WDR64: variants seen among roughly 807,000 people sequenced by gnomAD.
WDR64 encodes WD repeat domain 64, also known as WD repeat-containing protein 64.
In WDR64, 112 loss-of-function variants were observed where a neutral mutation model predicts 139.3. The ratio of observed to expected loss-of-function variants is 0.80; its 90% CI spans 0.69 to 0.94. The LOEUF is 0.94. WDR64 is among the 40% of genes least tolerant of loss of function. WDR64 has a pLI of 0.00. For missense variants in WDR64, 1,206 were observed against 1,293.1 expected (o/e 0.93, Z 1.03); for synonymous variants, 444 against 437.7 (o/e 1.01, Z -0.18).
intron 6 of WDR64, among the ~76,000 whole-genome samples, chr1:241,680,741 A>G (rs913101594): frequency 2.0e-5 from 3 of 151,940 alleles, no homozygotes; most frequent in African/African-American, 7.3e-5. Flanking sequence ...ACTGCTGAAA[A>G]AAACTAAACA....
chr1:241,734,191 C>T lies in WDR64; in HGVS notation c.1195-4172C>T, dbSNP rs114508655. 1.7e-3 allele frequency among the ~76,000 whole-genome samples: 265 copies of T among 152,140 alleles called. 1 individual carries two copies. The highest frequency in any genetic ancestry group is 5.4e-3 in the African/African-American group (225 of 41,502). The stretch of plus-strand genomic sequence containing the variant: ...TCTTACCTACCTGTGTCCTGGAAGC[C>T]TCCTTCCTGCTTGAGCTGTCCTGCC... On this transcript the variant is annotated intron_variant, in intron 10 of 27. Coordinates refer to ENST00000437684, the MANE Select transcript of WDR64 (RefSeq NM_001367482.1).
chr1:241,711,443 T>C (rs1574031785), intron 8 of WDR64, among the ~76,000 whole-genome samples: 1 of 151,614 alleles, frequency 6.6e-6, no homozygotes, highest in Non-Finnish European at 1.5e-5. Context: ...TCCAAAAGGG[T>C]TCCTGGCATT....
rs775078179 is a variant in WDR64 at position 241,769,382 on chromosome 1, ATAAAT to A, written c.2082-21_2082-17del. The stretch of plus-strand genomic sequence containing the variant: ...CCATAATTTGTGAATTTTTTCTCAT[ATAAAT>A]GTATACTTACTTCTAGGTACCGACC... On this transcript the variant is annotated splice_polypyrimidine_tract_variant and intron_variant, in intron 16 of 27. Transcript: ENST00000437684. 56 of 1,542,324 alleles carry A rather than the reference ATAAAT, an allele frequency of 3.6e-5. No individual in the cohort carries two copies. The highest frequency in any genetic ancestry group is 3.6e-4 in the South Asian group (30 of 83,784).
At chr1:241,678,560 C>A (rs1045481683) in intron 5 of WDR64, among the ~76,000 whole-genome samples, 1 of 151,984 alleles carries the variant, frequency 6.6e-6, no homozygotes, top group Non-Finnish European at 1.5e-5. Context: ...GGAGGTGGCC[C>A]ATGGAAATAG....
chr1:241,761,207 G>A (rs756262852), intron 15 of WDR64, among the ~76,000 whole-genome samples: 6 of 152,108 alleles, frequency 3.9e-5, no homozygotes, highest in Non-Finnish European at 8.8e-5. Flanking sequence ...AGAGCAAAAT[G>A]AGAAGACTTT....
Position 241,696,113 on chromosome 1 carries a change from C to CAAAAAAAAAAAAAAAAAAAAAAA in WDR64, c.974+8524_974+8546dup, listed in dbSNP as rs541301982. On this transcript the variant is annotated intron_variant, in intron 8 of 27. Coordinates refer to ENST00000437684, the MANE Select transcript of WDR64 (RefSeq NM_001367482.1). ...TGTGGAATGGAATGAGACCCAGTAT[C>CAAAAAAAAAAAAAAAAAAAAAAA]AAAAAAAAAAAAAAAAAAAAAAAAA... Among the ~76,000 whole-genome samples, 15 of 22,326 alleles carry CAAAAAAAAAAAAAAAAAAAAAAA rather than the reference C, an allele frequency of 6.7e-4. 3 individuals carry two copies. The highest frequency in any genetic ancestry group is 2.0e-3 in the African/African-American group (14 of 7,172). The allele number at this position is 22,326 out of a possible 152,430, so 14.6% of individuals were successfully genotyped here. A position where few individuals can be genotyped will look rare whatever the true frequency, so the allele number is the denominator to read the frequency against.
chr1:241,688,187 C>A (rs1394662521), intron 8 of WDR64, among the ~76,000 whole-genome samples: 1 of 152,100 alleles, frequency 6.6e-6, no homozygotes, highest in Non-Finnish European at 1.5e-5. Flanking sequence ...AAAAAGACTG[C>A]ATATGGTATG....
Position 241,766,333 on chromosome 1 carries a change from CGTCT to C in WDR64, c.2064_2067del (p.Ser689LeufsTer14), listed in dbSNP as rs1553378743. 1.2e-6 allele frequency: 2 copies of C among 1,613,706 alleles called. No homozygotes were observed. The highest frequency in any genetic ancestry group is 2.7e-5 in the African/African-American group (2 of 74,868). Reference sequence around the variant, plus strand: ...GTGATCATCTTATGGAATTTTGTGACGTCTACTGTCAAAAAAGTGTAAGTTGTGT... The same window carrying C: ...GTGATCATCTTATGGAATTTTGTGACACTGTCAAAAAAGTGTAAGTTGTGT... On this transcript the variant is annotated frameshift_variant, in exon 16 of 28. Transcript: ENST00000437684. LOFTEE classifies it high-confidence loss of function.
At chr1:241,791,108 G>A (rs940315226) in intron 25 of WDR64, among the ~76,000 whole-genome samples, 3 of 121,076 alleles carry the variant, frequency 2.5e-5, no homozygotes, top group Admixed American at 9.6e-5. Flanking sequence ...TCAACATGGC[G>A]AAACTCCATC....
At chr1:241,716,861 T>C (rs2148186750) in intron 9 of WDR64, among the ~76,000 whole-genome samples, 1 of 152,286 alleles carries the variant, frequency 6.6e-6, no homozygotes, top group African/African-American at 2.4e-5. Context: ...TTGGATTTTC[T>C]TCACAACGAA....
chr1:241,710,974 C>A (rs941253152), intron 8 of WDR64, among the ~76,000 whole-genome samples: 12 of 152,184 alleles, frequency 7.9e-5, no homozygotes, highest in African/African-American at 2.9e-4. Flanking sequence ...GCGTGGCTCA[C>A]GCCTGTAGTC....
At chr1:241,745,236 C>T (rs1669708977) in intron 13 of WDR64, among the ~76,000 whole-genome samples, 1 of 152,052 alleles carries the variant, frequency 6.6e-6, no homozygotes, top group Non-Finnish European at 1.5e-5. Context: ...CAGTTGATGA[C>T]TCGAGTGAGC....
chr1:241,787,360 C>CAAAAAAAAA (rs377529642), intron 23 of WDR64, among the ~76,000 whole-genome samples: 1 of 83,864 alleles, frequency 1.2e-5, no homozygotes, highest in Non-Finnish European at 2.3e-5. Flanking sequence ...CGAGACTCCT[C>CAAAAAAAAA]AAAAAAAAAA....
intron 26 of WDR64, 33 bp downstream of exon 26, chr1:241,795,320 CA>C (rs1186426961): frequency 6.3e-7 from 1 of 1,580,376 alleles, no homozygotes; most frequent in Admixed American, 1.7e-5. Flanking sequence ...AGAGGGGTCA[CA>C]GAACAGTAGA....
intron 14 of WDR64, among the ~76,000 whole-genome samples, chr1:241,755,947 C>T (rs549637878): frequency 7.2e-4 from 110 of 152,228 alleles, no homozygotes; most frequent in African/African-American, 2.6e-3. Flanking sequence ...TAGTACCATG[C>T]TGTTTTAGTT....
intron 22 of WDR64, among the ~76,000 whole-genome samples, chr1:241,780,328 T>C (rs1658800730): frequency 6.6e-6 from 1 of 152,202 alleles, no homozygotes; most frequent in Non-Finnish European, 1.5e-5. Context: ...AGAATTCATA[T>C]AGCAACCCAG....
intron 27 of WDR64, among the ~76,000 whole-genome samples, chr1:241,798,126 ATTAT>A (rs1659421083): frequency 6.6e-6 from 1 of 152,192 alleles, no homozygotes; most frequent in Admixed American, 6.5e-5. Context: ...AGAATGATAA[ATTAT>A]TTATCCAAAC....
In WDR64 at chr1:241,749,636, C is replaced by G; in HGVS notation, c.1684C>G (p.Arg562Gly). The G allele has an allele frequency of 1.2e-6, 2 of 1,614,090 alleles. No homozygotes were observed. The highest frequency in any genetic ancestry group is 1.7e-6 in the Non-Finnish European group (2 of 1,180,008). ...KDWKEDEHCL[R>G]RLIFLKAQEK... ...CTGGAAGGAGGACGAGCACTGCCTACGACGCCTCATTTTCCTCAAAGCCCA... is the reference window on the plus strand; with the variant it reads ...CTGGAAGGAGGACGAGCACTGCCTAGGACGCCTCATTTTCCTCAAAGCCCA... Residue 562 changes from arginine (R) to glycine (G), a missense_variant, in exon 14 of 28, where the codon CGA (arginine) becomes GGA (glycine). By Grantham distance (125) the Arg-to-Gly change is moderately radical. Transcript: ENST00000437684.
In WDR64 at chr1:241,766,341, G is replaced by A; in HGVS notation, c.2071G>A (p.Val691Ile). 6.2e-7 allele frequency: 1 copy of A among 1,613,716 alleles called. No individual in the cohort carries two copies. The highest frequency in any genetic ancestry group is 8.5e-7 in the Non-Finnish European group (1 of 1,179,854). Residue 691 changes from valine (V) to isoleucine (I), a missense_variant, in exon 16 of 28, where the codon GTC becomes ATC. Transcript: ENST00000437684. Reference sequence around the variant, plus strand: ...CTTATGGAATTTTGTGACGTCTACTGTCAAAAAAGTGTAAGTTGTGTATTA... The same window carrying A: ...CTTATGGAATTTTGTGACGTCTACTATCAAAAAAGTGTAAGTTGTGTATTA... ...IILWNFVTSTVKKVYRPEDCF... is the reference protein window; with the variant it reads ...IILWNFVTSTIKKVYRPEDCF...
Sources: gnomAD v4.1 joint callset for allele counts (sites outside exome capture counted in the v4.1 genomes callset) on GRCh38, gnomAD v4.1.1 for gene constraint, MANE v1.5 for transcripts, NCBI Gene and HGNC (gene_info 2026-07-23, HGNC 2026-07-21) for gene names.